CHD2: variants seen among roughly 807,000 people sequenced by gnomAD.
The protein encoded by CHD2 is ATP-dependent chromatin remodeler CHD2.
CHD2 carries 28 observed loss-of-function variants against 243.9 expected under a neutral mutation model. That is an observed-to-expected ratio of 0.11 (90% CI 0.09 to 0.16). CHD2 has a LOEUF of 0.16. Ranked by LOEUF, CHD2 falls within the 10% of genes least tolerant of loss-of-function variation. CHD2 has a pLI of 1.00. For missense variants in CHD2, 1,386 were observed against 2,209.8 expected, an observed-to-expected ratio of 0.63 and a Z score of 7.47; for synonymous variants, 775 against 779.0, an observed-to-expected ratio of 0.99 and a Z score of 0.09.
At chr15:93,022,728 C>T (rs2054547909) in intron 38 of CHD2, among the ~76,000 whole-genome samples, 1 of 152,226 alleles carries the variant, frequency 6.6e-6, no homozygotes, top group Non-Finnish European at 1.5e-5. Flanking sequence ...CCTTGGTTCC[C>T]CATCCCTCAC....
At chr15:92,954,526 C>T (rs2053594003) in intron 14 of CHD2, among the ~76,000 whole-genome samples, 1 of 152,168 alleles carries the variant, frequency 6.6e-6, no homozygotes, top group African/African-American at 2.4e-5. Flanking sequence ...GTAACTTAAA[C>T]ACTGGCTGAT....
chr15:92,963,607 AT>A (rs1357141329), intron 16 of CHD2, among the ~76,000 whole-genome samples: 1 of 152,208 alleles, frequency 6.6e-6, no homozygotes, highest in Non-Finnish European at 1.5e-5. Context: ...CTTCCTGTGT[AT>A]TCAGGTCGCT....
At chr15:92,975,033 T>G in intron 20 of CHD2, 83 bp downstream of exon 20, 1 of 1,112,536 alleles carries the variant, frequency 9.0e-7, no homozygotes, top group Admixed American at 2.0e-5. Flanking sequence ...GTATTCTGTT[T>G]CAGAAACAAT....
rs1173494620 is a variant in CHD2, at chr15:92,963,933, G to A, written c.2001-3392G>A. ...GAATTGTGGTATGTAGTTTCTACCA[G>A]TGAATACTTAGCCATGATTTGCTTT... is the stretch of plus-strand genomic sequence containing the variant. On this transcript the variant is annotated intron_variant, in intron 16 of 38. Transcript: ENST00000394196. 2.0e-5 allele frequency among the ~76,000 whole-genome samples: 3 copies of A among 152,366 alleles called. No individual in the cohort carries two copies. In the South Asian group the frequency reaches 6.2e-4, roughly 32 times the overall value.
intron 5 of CHD2, among the ~76,000 whole-genome samples, chr15:92,930,423 T>C (rs1194136565): frequency 2.0e-5 from 3 of 152,210 alleles, no homozygotes; most frequent in South Asian, 4.2e-4. Context: ...CTCATAGTCT[T>C]GTCAGCCTTT....
chr15:92,962,985 T>C (rs889431142), intron 16 of CHD2, among the ~76,000 whole-genome samples: 22 of 152,244 alleles, frequency 1.4e-4, no homozygotes, highest in Admixed American at 3.9e-4. Flanking sequence ...TTGCATGATA[T>C]ATTGTTTTCC....
chr15:93,016,853 G>A (rs1253392486), intron 37 of CHD2, among the ~76,000 whole-genome samples: 1 of 149,470 alleles, frequency 6.7e-6, no homozygotes, highest in Admixed American at 6.7e-5. Flanking sequence ...TTGGAAATTT[G>A]ATTAGAAAAA....
intron 38 of CHD2, among the ~76,000 whole-genome samples, chr15:93,023,833 A>G (rs1023800548): frequency 2.0e-5 from 3 of 151,962 alleles, no homozygotes; most frequent in African/African-American, 7.3e-5. Context: ...TGTCTGTTCA[A>G]ATCCTTTGCC....
chr15:93,017,413 C>T (rs1022919838), intron 37 of CHD2, among the ~76,000 whole-genome samples: 3 of 151,952 alleles, frequency 2.0e-5, no homozygotes, highest in Admixed American at 1.3e-4. Context: ...GCAACCTCCA[C>T]CTCCCGGGTT....
intron 2 of CHD2, chr15:92,901,570 T>C: frequency 1.5e-5 from 7 of 457,628 alleles, no homozygotes; most frequent in Non-Finnish European, 2.3e-5. Context: ...TACTGTAATG[T>C]ACAGTTTTTC....
intron 2 of CHD2, among the ~76,000 whole-genome samples, chr15:92,916,487 C>T (rs979511655): frequency 4.6e-5 from 7 of 152,178 alleles, no homozygotes; most frequent in African/African-American, 1.7e-4. Flanking sequence ...TATTTATTTG[C>T]CTCGTCCTAT....
At chr15:92,960,995 A>T (rs766203264) in intron 16 of CHD2, among the ~76,000 whole-genome samples, 1 of 152,024 alleles carries the variant, frequency 6.6e-6, no homozygotes, top group Non-Finnish European at 1.5e-5. Flanking sequence ...AAGTGCTGGG[A>T]TTACAGGCGT....
intron 5 of CHD2, among the ~76,000 whole-genome samples, chr15:92,929,748 A>G (rs2053130686): frequency 6.6e-6 from 1 of 152,156 alleles, no homozygotes. Flanking sequence ...TTCTCTCAAA[A>G]ATGTAGATAT....
chr15:93,000,737 G>A lies in CHD2; in HGVS notation c.4137+97G>A, dbSNP rs572485481. 8.1e-4 allele frequency: 1,066 copies of A among 1,317,578 alleles called. 1 individual carries two copies. Among genetic ancestry groups the A allele is most frequent in the Non-Finnish European group, 1.0e-3 (1,003 of 969,714 alleles). 81.6% of individuals were successfully genotyped at this position (1,317,578 alleles called of 1,614,324 possible). A position where few individuals can be genotyped will look rare whatever the true frequency, so the allele number is the denominator to read the frequency against. On this transcript the variant is annotated intron_variant, in intron 32 of 38. Transcript: ENST00000394196. ...ATCATCTGAAATGTGTTTGGTTTAC[G>A]AGTGGATTAAATGGAAATAGAATAT...
chr15:92,961,950 C>T lies in CHD2; in HGVS notation c.2000+5301C>T, dbSNP rs142406990. Among the ~76,000 whole-genome samples the T allele has an allele frequency of 8.6e-3, 1,165 of 135,280 alleles. 52 individuals carry two copies. Among genetic ancestry groups the T allele is most frequent in the Admixed American group, 0.085 (999 of 11,730 alleles). The allele number at this position is 135,280 out of a possible 152,430, so 88.7% of individuals were successfully genotyped here. On this transcript the variant is annotated intron_variant, in intron 16 of 38. Transcript: ENST00000394196. ...CAGGCTGGAGTGCAGGGTGCGATCT[C>T]GGCTCACTGCAACCTCCGCCTTCCA...
intron 2 of CHD2, among the ~76,000 whole-genome samples, chr15:92,917,135 T>G (rs2141728634): frequency 6.6e-6 from 1 of 152,344 alleles, no homozygotes; most frequent in South Asian, 2.1e-4. Flanking sequence ...AAATTTTGTT[T>G]CCCAGTCCGT....
intron 34 of CHD2, among the ~76,000 whole-genome samples, chr15:93,008,165 G>C (rs60635695): frequency 6.6e-6 from 1 of 152,212 alleles, no homozygotes; most frequent in Admixed American, 6.5e-5. Flanking sequence ...TCTCCAGAGC[G>C]TGAAGGCCTG....
intron 32 of CHD2, among the ~76,000 whole-genome samples, chr15:93,000,983 T>C (rs951818230): frequency 2.0e-5 from 3 of 152,118 alleles, no homozygotes; most frequent in Non-Finnish European, 4.4e-5. Flanking sequence ...ATTCTCCTGC[T>C]TCAACCTCCC....
At position 93,014,748 on chromosome 15, in the gene CHD2, A is replaced by G. The variant is rs368248581; in HGVS notation, c.4745A>G (p.Glu1582Gly). The G allele has an allele frequency of 4.5e-5, 73 of 1,614,070 alleles. No individual in the cohort carries two copies. Among genetic ancestry groups the G allele is most frequent in the Non-Finnish European group, 6.2e-5 (73 of 1,180,038 alleles). ...VTGGKKPFRP[E>G]ASGSSRDSLI... ...GGGGGTAAGAAACCATTTCGTCCAG[A>G]GGCCTCAGGCTCCAGCCGGGACTCT... Residue 1582 changes from glutamate to glycine, a missense_variant, in exon 37 of 39, where the codon GAG becomes GGG. Physicochemically the swap from Glu to Gly is moderately conservative, Grantham distance 98 (BLOSUM62 -2). Transcript: ENST00000394196.
Sources: allele counts gnomAD v4.1 joint callset (sites outside exome capture counted in the v4.1 genomes callset), GRCh38; gene constraint gnomAD v4.1.1; transcripts MANE v1.5; gene names NCBI Gene and HGNC (gene_info 2026-07-23, HGNC 2026-07-21).